Variants in ABCA5 observed in about 807,000 individuals in gnomAD.
The protein encoded by ABCA5 is cholesterol transporter ABCA5.
In ABCA5, 163 loss-of-function variants were observed where a neutral mutation model predicts 206.0. That is an observed-to-expected ratio of 0.79 (90% CI 0.70 to 0.90). ABCA5 has a LOEUF of 0.90. ABCA5 is among the 40% of genes least tolerant of loss of function. The pLI is 0.00. For missense variants in ABCA5, 1,859 were observed against 1,912.9 expected, an observed-to-expected ratio of 0.97 and a Z score of 0.53; for synonymous variants, 609 against 613.8, an observed-to-expected ratio of 0.99 and a Z score of 0.11.
intron 1 of ABCA5, among the ~76,000 whole-genome samples, chr17:69,322,614 G>A (rs1415041303): frequency 6.6e-6 from 1 of 151,958 alleles, no homozygotes; most frequent in East Asian, 1.9e-4. Context: ...TTCCTTAGAA[G>A]AGCCTCTCTC....
chr17:69,271,168 T>C lies in ABCA5; in HGVS notation c.2886A>G (p.Ser962=). 1 of 1,610,852 alleles carries C rather than the reference T, an allele frequency of 6.2e-7. No individual in the cohort carries two copies. The highest frequency in any genetic ancestry group is 8.5e-7 in the Non-Finnish European group (1 of 1,179,150). ...PHSAALNVMH[S]EKDYVFAAVF... ...TTCACTGCATTCATCTTACCTTTTC[T>C]GAATGCATCACATTTAAAGCCGCAC... The change falls in exon 21 of 39, where the codon TCA becomes TCG. Residue 962 remains serine, a synonymous_variant. Coordinates refer to ENST00000392676, the MANE Select transcript of ABCA5 (RefSeq NM_172232.4).
intron 10 of ABCA5, among the ~76,000 whole-genome samples, chr17:69,295,992 C>T (rs118122870): frequency 1.3e-5 from 2 of 152,210 alleles, no homozygotes; most frequent in East Asian, 1.9e-4. Flanking sequence ...CCATTGTAAG[C>T]GTCATTGATT....
At chr17:69,305,312 A>G (rs915845712) in intron 6 of ABCA5, among the ~76,000 whole-genome samples, 2 of 152,222 alleles carry the variant, frequency 1.3e-5, no homozygotes, top group African/African-American at 2.4e-5. Flanking sequence ...TGAATTCACT[A>G]TTTTTGCTCA....
intron 18 of ABCA5, among the ~76,000 whole-genome samples, chr17:69,280,555 A>G (rs2075381417): frequency 6.6e-6 from 1 of 151,306 alleles, no homozygotes; most frequent in Non-Finnish European, 1.5e-5. Context: ...AAGGACTATA[A>G]ATCATGCTGC....
At chr17:69,290,735 C>T (rs2075516529) in intron 12 of ABCA5, among the ~76,000 whole-genome samples, 1 of 152,032 alleles carries the variant, frequency 6.6e-6, no homozygotes, top group Non-Finnish European at 1.5e-5. Flanking sequence ...TAATATGGAG[C>T]TACTATAATG....
At chr17:69,306,040 C>A (rs1297825453) in intron 6 of ABCA5, among the ~76,000 whole-genome samples, 4 of 152,064 alleles carry the variant, frequency 2.6e-5, no homozygotes, top group Non-Finnish European at 1.5e-5. Flanking sequence ...CTCACATGCA[C>A]AGTATTAACC....
chr17:69,303,854 A>ATACATATG (rs1555584177), intron 7 of ABCA5, among the ~76,000 whole-genome samples: 1 of 32,146 alleles, frequency 3.1e-5, no homozygotes, highest in African/African-American at 1.1e-4. Flanking sequence ...ACATATATAT[A>ATACATATG]TGTATATATA....
chr17:69,271,075 T>C, intron 21 of ABCA5, 87 bp downstream of exon 21: 1 of 1,469,078 alleles, frequency 6.8e-7, no homozygotes, highest in East Asian at 2.5e-5. Flanking sequence ...ACTCATAAGG[T>C]CAAATCAACA....
At chr17:69,307,816 C>T (rs1022379177) in intron 5 of ABCA5, among the ~76,000 whole-genome samples, 33 of 152,206 alleles carry the variant, frequency 2.2e-4, no homozygotes, top group African/African-American at 7.9e-4. Context: ...CATCATTATT[C>T]ATACATACTT....
intron 1 of ABCA5, among the ~76,000 whole-genome samples, chr17:69,318,446 G>A (rs1004159136): frequency 6.6e-6 from 1 of 152,038 alleles, no homozygotes; most frequent in African/African-American, 2.4e-5. Flanking sequence ...TATAATTAAA[G>A]TTTGGCTTAA....
rs1197164363 is a variant in ABCA5 at position 69,250,478 on chromosome 17, T to G, written c.4679A>C (p.Gln1560Pro). ...IQYIFPNASR[Q>P]ESFSSILAYK... ...ACATTCTTTAAAATTTTACCTTTCC[T>G]GACGGCTTGCATTTGGGAAAATATA... Residue 1560 changes from glutamine (Q) to proline (P), a missense_variant, in exon 36 of 39, where the codon CAG becomes CCG. Transcript: ENST00000392676. 6.2e-7 allele frequency: 1 copy of G among 1,608,386 alleles called. No homozygotes were observed. Among genetic ancestry groups the G allele is most frequent in the East Asian group, 2.2e-5 (1 of 44,622 alleles).
chr17:69,288,108 T>C (rs560111454), intron 14 of ABCA5, among the ~76,000 whole-genome samples: 15 of 152,288 alleles, frequency 9.8e-5, no homozygotes, highest in African/African-American at 2.9e-4. Context: ...TATGGTTTTA[T>C]AGTAGTTCAA....
chr17:69,287,706 G>C lies in ABCA5; in HGVS notation c.1948C>G (p.Arg650Gly). The change falls in exon 15 of 39, where the codon CGA becomes GGA. Residue 650 changes from arginine to glycine, a missense_variant. Arg to Gly is a moderately radical substitution (Grantham distance 125). Coordinates refer to ENST00000392676, the MANE Select transcript of ABCA5 (RefSeq NM_172232.4). The part of the protein sequence containing the change: ...EPTAGMDPCS[R>G]HIVWNLLKYR... ...TTTAAAAGATTCCATACAATATGTC[G>C]AGAACAGGGGTCCATTCCAGCTGTT... The C allele has an allele frequency of 6.2e-7, 1 of 1,613,682 alleles. No individual in the cohort carries two copies. Among genetic ancestry groups the C allele is most frequent in the Non-Finnish European group, 8.5e-7 (1 of 1,179,806 alleles).
At chr17:69,264,647 T>A in intron 24 of ABCA5, 88 bp downstream of exon 24, 1 of 929,680 alleles carries the variant, frequency 1.1e-6, no homozygotes, top group Non-Finnish European at 1.5e-6. Context: ...ATAACCAAAT[T>A]ATGCAATAAG....
At chr17:69,305,610 C>A (rs1427085340) in intron 6 of ABCA5, among the ~76,000 whole-genome samples, 1 of 152,112 alleles carries the variant, frequency 6.6e-6, no homozygotes, top group Non-Finnish European at 1.5e-5. Context: ...TGGCTCATGC[C>A]TGTAATCCCA....
chr17:69,321,383 T>A (rs1470783628), intron 1 of ABCA5, among the ~76,000 whole-genome samples: 1 of 152,106 alleles, frequency 6.6e-6, no homozygotes, highest in Non-Finnish European at 1.5e-5. Flanking sequence ...AAAGGGGACA[T>A]CTATGAAGGG....
rs1046289821 is a variant in ABCA5 at position 69,293,557 on chromosome 17, T to C, written c.1495+1098A>G. Among the ~76,000 whole-genome samples, 3 of 152,168 alleles carry C rather than the reference T, an allele frequency of 2.0e-5. No homozygotes were observed. In the South Asian group the frequency reaches 6.2e-4, roughly 32 times the overall value. Reference sequence around the variant, plus strand: ...AATCATCTGAGTTAAACTTGATTAGTCTTGATAATAATGGTAAACCTTATC... The same window carrying C: ...AATCATCTGAGTTAAACTTGATTAGCCTTGATAATAATGGTAAACCTTATC... On this transcript the variant is annotated intron_variant, in intron 11 of 38. Transcript: ENST00000392676.
chr17:69,304,521 C>T, intron 7 of ABCA5, 148 bp downstream of exon 7: 2 of 623,040 alleles, frequency 3.2e-6, no homozygotes, highest in South Asian at 3.0e-5. Context: ...ACAGTGATGC[C>T]ACATCATTTA....
intron 34 of ABCA5, among the ~76,000 whole-genome samples, chr17:69,252,259 T>C (rs1037063100): frequency 2.6e-5 from 4 of 152,022 alleles, no homozygotes; most frequent in Non-Finnish European, 4.4e-5. Context: ...CGTGGTCTGC[T>C]GCCTCAGCCT....
Sources: gnomAD v4.1 joint callset for allele counts (sites outside exome capture counted in the v4.1 genomes callset) on GRCh38, gnomAD v4.1.1 for gene constraint, MANE v1.5 for transcripts, NCBI Gene and HGNC (gene_info 2026-07-23, HGNC 2026-07-21) for gene names.